Variants in CARD10 observed in about 807,000 individuals in gnomAD.
CARD10 encodes caspase recruitment domain-containing protein 10.
Under a neutral mutation model 114.6 loss-of-function variants are expected in CARD10, and 49 were observed. The observed-to-expected ratio is 0.43, with a 90% CI of 0.34 to 0.54. The LOEUF (loss-of-function observed/expected upper bound fraction) is 0.54. Among genes scored for constraint, CARD10 ranks in the 20% least tolerant of loss-of-function variants. The pLI, the probability that CARD10 is intolerant of heterozygous loss-of-function variation, is 0.03. For missense variants in CARD10, 1,206 were observed against 1,397.2 expected (o/e 0.86, Z 2.18); for synonymous variants, 602 against 593.2 (o/e 1.01, Z -0.21).
At chr22:37,500,265 T>G (rs1923163934) in intron 11 of CARD10, among the ~76,000 whole-genome samples, 1 of 152,158 alleles carries the variant, frequency 6.6e-6, no homozygotes, top group Non-Finnish European at 1.5e-5. Flanking sequence ...GGCAATGACT[T>G]ATGGGAACCC....
In CARD10 at chr22:37,519,307, C is replaced by T; in HGVS notation, c.-107G>A. ...CCCCGGGGCGTCGTCCGCAGACCCGCCGTCGGGGGCGCGCCCCGAGCTCCC... is the reference window on the plus strand; with the variant it reads ...CCCCGGGGCGTCGTCCGCAGACCCGTCGTCGGGGGCGCGCCCCGAGCTCCC... On this transcript the variant is annotated 5_prime_UTR_variant, in exon 1 of 20. Coordinates refer to ENST00000251973, the MANE Select transcript of CARD10 (RefSeq NM_014550.4). This position sits in a 1 kb window ranked among gnomAD's most constrained non-coding sequence, Gnocchi z 4.1. The T allele has an allele frequency of 7.5e-7, 1 of 1,342,158 alleles. No individual in the cohort carries two copies. 83.1% of individuals were successfully genotyped at this position (1,342,158 alleles called of 1,614,324 possible).
At chr22:37,504,443 G>A (rs1923333225) in intron 8 of CARD10, 142 bp from the exon 9 acceptor site, 2 of 1,093,268 alleles carry the variant, frequency 1.8e-6, no homozygotes, top group Non-Finnish European at 2.6e-6. Flanking sequence ...ATAGTGTGCG[G>A]GTGGCTCCCC....
Position 37,508,673 on chromosome 22 carries a change from G to C in CARD10, c.919C>G (p.Arg307Gly), listed in dbSNP as rs771502156. 1.3e-6 allele frequency: 2 copies of C among 1,563,438 alleles called. No homozygotes were observed. The highest frequency in any genetic ancestry group is 1.2e-5 in the South Asian group (1 of 85,924). The change falls in exon 5 of 20, where the codon CGG becomes GGG. Residue 307 changes from arginine to glycine, a missense_variant. By Grantham distance (125) the Arg-to-Gly change is moderately radical. Coordinates refer to ENST00000251973, the MANE Select transcript of CARD10 (RefSeq NM_014550.4). ...LQEGLQQEAS[R>G]PGAPGSERIL... ...CGCTCGGAGCCCGGGGCCCCCGGCC[G>C]GCTCGCCTCCTGGGGATCACAGGGC... is the stretch of plus-strand genomic sequence containing the variant.
intron 3 of CARD10, among the ~76,000 whole-genome samples, chr22:37,510,731 C>T (rs779728177): frequency 3.9e-5 from 6 of 152,164 alleles, no homozygotes; most frequent in African/African-American, 7.2e-5. Flanking sequence ...CACTGACTCC[C>T]GTCAATTTAG....
rs755755303 is a variant in CARD10, at chr22:37,503,224, A to G, written c.1635-11T>C. 11 of 1,610,182 alleles carry G rather than the reference A, an allele frequency of 6.8e-6. No individual in the cohort carries two copies. Among genetic ancestry groups the G allele is most frequent in the Middle Eastern group, 1.7e-4 (1 of 6,048 alleles). On this transcript the variant is annotated splice_polypyrimidine_tract_variant and intron_variant, in intron 9 of 19. Transcript: ENST00000251973. ...ATGCTGCTGAAGGATCTGGGCAGAG[A>G]GAGGGCAGGGAGGGGGCAGGAGGTG...
chr22:37,497,854 C>CAA (rs112439993), intron 11 of CARD10, among the ~76,000 whole-genome samples: 4 of 90,118 alleles, frequency 4.4e-5, no homozygotes, highest in East Asian at 3.2e-4. Context: ...AACTCTGTCT[C>CAA]AAAAAAAAAA....
At chr22:37,507,382 A>G (rs1401132787) in intron 6 of CARD10, among the ~76,000 whole-genome samples, 1 of 152,212 alleles carries the variant, frequency 6.6e-6, no homozygotes, top group East Asian at 1.9e-4. Context: ...ACCTCACACA[A>G]GGAGGCTCGG....
At position 37,496,804 on chromosome 22, in the gene CARD10, C is replaced by T. The variant is rs1349797254; in HGVS notation, c.1947+215G>A. On this transcript the variant is annotated intron_variant, in intron 12 of 19. Coordinates refer to ENST00000251973, the MANE Select transcript of CARD10 (RefSeq NM_014550.4). This position sits in a 1 kb window ranked among gnomAD's most constrained non-coding sequence, Gnocchi z 4.1. ...CTCGACTTGAAGCGCAGGAATGTAA[C>T]GTGCTGTCAGTTGGCTCCACCTCCC... 4.5e-6 allele frequency: 3 copies of T among 660,194 alleles called. No individual in the cohort carries two copies. The highest frequency in any genetic ancestry group is 1.9e-5 in the South Asian group (1 of 52,950). The allele number at this position is 660,194 out of a possible 1,614,324, so 40.9% of individuals were successfully genotyped here.
At position 37,519,127 on chromosome 22, in the gene CARD10, T is replaced by C. The variant is rs1283584548; in HGVS notation, c.74A>G (p.Asp25Gly). 1 of 1,568,690 alleles carries C rather than the reference T, an allele frequency of 6.4e-7. No homozygotes were observed. Among genetic ancestry groups the C allele is most frequent in the Admixed American group, 1.8e-5 (1 of 56,158 alleles). The change falls in exon 1 of 20, where the codon GAC (aspartate) becomes GGC (glycine). Residue 25 changes from aspartate (D) to glycine (G), a missense_variant. Coordinates refer to ENST00000251973, the MANE Select transcript of CARD10 (RefSeq NM_014550.4). The surrounding 1 kb of genome is among the most constrained non-coding windows in gnomAD (Gnocchi z 4.1). Reference protein sequence around the residue: ...GAGSGSEAEEDALWERIEGVR... With the variant: ...GAGSGSEAEEGALWERIEGVR... ...GCCCTCGATTCGCTCCCACAGCGCG[T>C]CCTCCTCCGCCTCAGACCCCGAGCC...
In CARD10 at chr22:37,504,769, C is replaced by T. The variant is rs771039211; in HGVS notation, c.1384G>A (p.Ala462Thr). The change falls in exon 8 of 20, where the codon GCC becomes ACC. Residue 462 changes from alanine to threonine, a missense_variant and splice_region_variant. Ala to Thr is a moderately conservative substitution (Grantham distance 58, BLOSUM62 0). Around this residue, in one of 2 missense-constraint regions of CARD10, gnomAD observed 1,068 missense variants for 1,179.1 expected, o/e 0.91. Transcript: ENST00000251973. Reference protein sequence around the residue: ...QRAQGGTCLKACASSHSLCSN... With the variant: ...QRAQGGTCLKTCASSHSLCSN... ...CACAGGGAATGGGAGGAGGCACAGG[C>T]CTGGAAGAGGGAGAGGAGAGGAAGG... 11 of 1,527,606 alleles carry T rather than the reference C, an allele frequency of 7.2e-6. No homozygotes were observed. Among genetic ancestry groups the T allele is most frequent in the Non-Finnish European group, 9.7e-6 (11 of 1,139,336 alleles). The allele number at this position is 1,527,606 out of a possible 1,614,324, so 94.6% of individuals were successfully genotyped here. A position where few individuals can be genotyped will look rare whatever the true frequency, so the allele number is the denominator to read the frequency against.
In CARD10 at chr22:37,497,055, C is replaced by A. The variant is rs767082361; in HGVS notation, c.1911G>T (p.Leu637=). The part of the protein sequence containing the change: ...RWSGAVVRRV[L]SGPGSARMEP... ...CCATCCTGGCGGACCCAGGCCCAGA[C>A]AGCACCCTGCGCACCACAGCCCCAG... Residue 637 remains leucine (L), a synonymous_variant, in exon 12 of 20, where the codon CTG becomes CTT. Coordinates refer to ENST00000251973, the MANE Select transcript of CARD10 (RefSeq NM_014550.4). 4 of 1,613,936 alleles carry A rather than the reference C, an allele frequency of 2.5e-6. No individual in the cohort carries two copies. The South Asian group carries it at 3.3e-5, about 13-fold the overall frequency.
chr22:37,496,454 G>A lies in CARD10; in HGVS notation c.2054C>T (p.Ser685Leu), dbSNP rs142113268. 2.9e-5 allele frequency: 47 copies of A among 1,609,008 alleles called. No individual in the cohort carries two copies. Among genetic ancestry groups the A allele is most frequent in the Middle Eastern group, 1.6e-4 (1 of 6,068 alleles). The change falls in exon 13 of 20, where the codon TCG becomes TTG. Residue 685 changes from serine (S) to leucine (L), a missense_variant. Physicochemically the swap from Ser to Leu is moderately radical, Grantham distance 145. Around this residue, in one of 2 missense-constraint regions of CARD10, gnomAD observed 1,068 missense variants for 1,179.1 expected, o/e 0.91. Coordinates refer to ENST00000251973, the MANE Select transcript of CARD10 (RefSeq NM_014550.4). This position sits in a 1 kb window ranked among gnomAD's most constrained non-coding sequence, Gnocchi z 4.1. ...QGSTLPSLMD[S>L]KACQSFHEAL... ...GACTCCCAAGCCAGACTTACCCTTC[G>A]AGTCCATCAGGGAGGGGAGTGTGGA...
intron 11 of CARD10, among the ~76,000 whole-genome samples, chr22:37,497,515 C>T (rs1923049955): frequency 6.6e-6 from 1 of 152,184 alleles, no homozygotes; most frequent in African/African-American, 2.4e-5. Flanking sequence ...TACTGTTCCG[C>T]TCTGTAGCCC....
intron 16 of CARD10, 111 bp downstream of exon 16, chr22:37,493,975 C>T (rs1405625916): frequency 3.7e-6 from 3 of 812,648 alleles, no homozygotes; most frequent in Non-Finnish European, 6.3e-6. Flanking sequence ...GGAACCCTCA[C>T]AACAGGCCCT....
chr22:37,507,138 G>T (rs568077049), intron 6 of CARD10, among the ~76,000 whole-genome samples: 2 of 152,242 alleles, frequency 1.3e-5, no homozygotes, highest in South Asian at 4.1e-4. Context: ...AATTAGCCAG[G>T]AATGGTGGCA....
chr22:37,506,168 C>A (rs757331278), intron 7 of CARD10, 24 bp downstream of exon 7: 7 of 1,429,750 alleles, frequency 4.9e-6, no homozygotes, highest in Non-Finnish European at 6.4e-6. Context: ...CCTGCCAGGA[C>A]CTCCACAATC....
At chr22:37,491,467 A>G in intron 19 of CARD10, 74 bp from the exon 20 acceptor site, 1 of 1,091,918 alleles carries the variant, frequency 9.2e-7, no homozygotes, top group African/African-American at 1.7e-5. Context: ...AGAGGGACAG[A>G]CAAAGGGGGA....
intron 8 of CARD10, 21 bp downstream of exon 8, chr22:37,504,613 TG>T (rs760204694): frequency 6.9e-7 from 1 of 1,453,020 alleles, no homozygotes; most frequent in South Asian, 1.6e-5. Flanking sequence ...CCCCCTTATT[TG>T]GGATGGGGCA....
intron 16 of CARD10, among the ~76,000 whole-genome samples, chr22:37,493,327 G>A (rs949929433): frequency 2.0e-5 from 3 of 152,172 alleles, no homozygotes; most frequent in Non-Finnish European, 4.4e-5. Flanking sequence ...CACCTTCCCT[G>A]GTCCCCAGAC....
Sources: allele counts gnomAD v4.1 joint callset (sites outside exome capture counted in the v4.1 genomes callset), GRCh38; gene constraint gnomAD v4.1.1; regional missense constraint gnomAD v4.1.1; non-coding constraint Gnocchi (gnomAD v3.1); transcripts MANE v1.5; gene names NCBI Gene and HGNC (gene_info 2026-07-23, HGNC 2026-07-21).